RAI14: variants seen among roughly 807,000 people sequenced by gnomAD.
RAI14 encodes ankycorbin.
Under a neutral mutation model 115.4 loss-of-function variants are expected in RAI14, and 45 were observed. The ratio of observed to expected loss-of-function variants is 0.39; its 90% CI spans 0.31 to 0.50. RAI14 has a LOEUF of 0.50. Among genes scored for constraint, RAI14 ranks in the 20% least tolerant of loss-of-function variants. The pLI is 0.85. For synonymous variants in RAI14, 371 were observed against 415.4 expected (o/e 0.89, Z 1.30); for missense variants, 939 against 1,131.2 (o/e 0.83, Z 2.44).
intron 2 of RAI14, among the ~76,000 whole-genome samples, chr5:34,720,774 GGA>G (rs1371487231): frequency 6.6e-6 from 1 of 151,958 alleles, no homozygotes; most frequent in East Asian, 1.9e-4. Flanking sequence ...TGGGCTGTTT[GGA>G]GTATGTGAGG....
intron 3 of RAI14, among the ~76,000 whole-genome samples, chr5:34,780,954 A>G (rs1279363410): frequency 6.6e-6 from 1 of 152,156 alleles, no homozygotes; most frequent in Non-Finnish European, 1.5e-5. Context: ...ACAATAGCAA[A>G]GACTTGGAAC....
At chr5:34,807,915 T>G (rs1755120610) in intron 6 of RAI14, 58 bp downstream of exon 6, 1 of 1,391,724 alleles carries the variant, frequency 7.2e-7, no homozygotes, top group African/African-American at 1.4e-5. Context: ...ACTTTTCTTT[T>G]TCCTTATTCA....
intron 1 of RAI14, among the ~76,000 whole-genome samples, chr5:34,675,387 C>T (rs544807667): frequency 6.6e-6 from 1 of 152,312 alleles, no homozygotes; most frequent in Non-Finnish European, 1.5e-5. Flanking sequence ...TTCCTGTTAG[C>T]GTTCCCAGCC....
intron 1 of RAI14, among the ~76,000 whole-genome samples, chr5:34,669,869 C>T (rs538706106): frequency 6.6e-6 from 1 of 152,240 alleles, no homozygotes; most frequent in East Asian, 1.9e-4. Flanking sequence ...TCAGCCCAGG[C>T]GAACGTAAAA....
At chr5:34,683,788 C>T (rs181725554) in intron 1 of RAI14, among the ~76,000 whole-genome samples, 293 of 151,410 alleles carry the variant, frequency 1.9e-3, no homozygotes, top group African/African-American at 6.5e-3. Flanking sequence ...AGTGCAGTGG[C>T]GCGATATCGG....
intron 4 of RAI14, among the ~76,000 whole-genome samples, chr5:34,798,346 G>GTT (rs57789035): frequency 0.51 from 60,419 of 119,348 alleles, 13,412 homozygotes; most frequent in Non-Finnish European, 0.64. Context: ...GCCAGAATAA[G>GTT]TTTTTTTTTT....
intron 1 of RAI14, among the ~76,000 whole-genome samples, chr5:34,675,942 TTC>T (rs1743947158): frequency 6.6e-6 from 1 of 152,228 alleles, no homozygotes; most frequent in African/African-American, 2.4e-5. Flanking sequence ...TGACAAACAT[TTC>T]TGTTTTACTT....
At chr5:34,701,767 T>A (rs1740103437) in intron 2 of RAI14, among the ~76,000 whole-genome samples, 2 of 152,272 alleles carry the variant, frequency 1.3e-5, no homozygotes, top group South Asian at 4.1e-4. Flanking sequence ...CACTCATATT[T>A]GGCTCAGAAT....
At chr5:34,828,930 A>G (rs1757728879) in intron 16 of RAI14, among the ~76,000 whole-genome samples, 1 of 152,186 alleles carries the variant, frequency 6.6e-6, no homozygotes, top group Admixed American at 6.5e-5. Context: ...TAGGCTTTAA[A>G]AATTAAATTA....
chr5:34,662,012 C>T (rs1742727279), intron 1 of RAI14, among the ~76,000 whole-genome samples: 1 of 152,190 alleles, frequency 6.6e-6, no homozygotes, highest in Non-Finnish European at 1.5e-5. Context: ...TGGTCTTGAA[C>T]TCCTGGGCTC....
chr5:34,726,565 G>A (rs1322355603), intron 2 of RAI14, among the ~76,000 whole-genome samples: 3 of 152,260 alleles, frequency 2.0e-5, no homozygotes, highest in African/African-American at 7.2e-5. Flanking sequence ...GATTTGGATG[G>A]GGACACAGAG....
chr5:34,783,481 GTTA>G (rs1385395927), intron 3 of RAI14, among the ~76,000 whole-genome samples: 2 of 152,116 alleles, frequency 1.3e-5, no homozygotes, highest in African/African-American at 4.8e-5. Flanking sequence ...TCTACCCCAA[GTTA>G]TTATTTTACC....
chr5:34,671,206 G>T (rs973552621), intron 1 of RAI14, among the ~76,000 whole-genome samples: 1 of 152,038 alleles, frequency 6.6e-6, no homozygotes, highest in Admixed American at 6.6e-5. Context: ...AGGTAAAGGG[G>T]GTGAGAATAC....
At position 34,813,581 on chromosome 5, in the gene RAI14, A is replaced by C; in HGVS notation, c.773A>C (p.Gln258Pro). ...GACTGTGATAACTTTCAGCATGACC[A>C]AGTCTCTAAAATAAGCTCAGAAAGA... is the stretch of plus-strand genomic sequence containing the variant. ...KTPTKPKQHD[Q>P]VSKISSERSG... The change falls in exon 11 of 18, where the codon CAA (glutamine) becomes CCA (proline). Residue 258 changes from glutamine to proline, a missense_variant. By Grantham distance (76) the Gln-to-Pro change is moderately conservative (BLOSUM62 -1). Transcript: ENST00000265109. 6.2e-7 allele frequency: 1 copy of C among 1,612,414 alleles called. No homozygotes were observed. The highest frequency in any genetic ancestry group is 8.5e-7 in the Non-Finnish European group (1 of 1,178,874).
In RAI14 at chr5:34,823,151, A is replaced by G; in HGVS notation, c.1309A>G (p.Ile437Val). ...TGTCAGAATTCAGCAACTGCAAGAG[A>G]TTTTGCAAGATCTACAGAAGAGATT... ...NDVRIQQLQEILQDLQKRLES... is the reference protein window; with the variant it reads ...NDVRIQQLQEVLQDLQKRLES... Residue 437 changes from isoleucine to valine, a missense_variant, in exon 15 of 18, where the codon ATT (isoleucine) becomes GTT (valine). Transcript: ENST00000265109. This position sits in a 1 kb window ranked among gnomAD's most constrained non-coding sequence, Gnocchi z 4.5. The G allele has an allele frequency of 6.2e-7, 1 of 1,613,088 alleles. No homozygotes were observed. The highest frequency in any genetic ancestry group is 8.5e-7 in the Non-Finnish European group (1 of 1,179,090).
At chr5:34,782,178 C>T (rs916694081) in intron 3 of RAI14, among the ~76,000 whole-genome samples, 16 of 152,222 alleles carry the variant, frequency 1.1e-4, no homozygotes, top group Non-Finnish European at 1.9e-4. Context: ...ATGGCCATCA[C>T]GAACATGTCA....
chr5:34,798,361 T>A (rs12658528), intron 4 of RAI14, among the ~76,000 whole-genome samples: 18 of 149,980 alleles, frequency 1.2e-4, no homozygotes, highest in African/African-American at 3.7e-4. Flanking sequence ...TTTTTTTTTT[T>A]AATACATGCT....
At chr5:34,741,627 A>G (rs1437354011) in intron 2 of RAI14, among the ~76,000 whole-genome samples, 1 of 152,232 alleles carries the variant, frequency 6.6e-6, no homozygotes, top group Non-Finnish European at 1.5e-5. Flanking sequence ...CTTATATGGC[A>G]TGGCCCAGAG....
intron 3 of RAI14, among the ~76,000 whole-genome samples, chr5:34,767,240 G>A (rs770647565): frequency 7.2e-5 from 11 of 152,138 alleles, no homozygotes; most frequent in Non-Finnish European, 1.5e-4. Context: ...GGTAATTGTT[G>A]CCCAGGGTCA....
Sources: allele counts gnomAD v4.1 joint callset (sites outside exome capture counted in the v4.1 genomes callset), GRCh38; gene constraint gnomAD v4.1.1; non-coding constraint Gnocchi (gnomAD v3.1); transcripts MANE v1.5; gene names NCBI Gene and HGNC (gene_info 2026-07-23, HGNC 2026-07-21).